The following MRPL42 variants were observed in gnomAD, a reference collection of about 807,000 sequenced individuals.
The protein encoded by MRPL42 is large ribosomal subunit protein mL42.
MRPL42 carries 17 observed loss-of-function variants against 17.9 expected under a neutral mutation model. The observed-to-expected ratio is 0.95, with a 90% CI of 0.65 to 1.42. The LOEUF (loss-of-function observed/expected upper bound fraction) is 1.42, where lower values mean the gene tolerates loss of function less well. MRPL42 is among the 40% of genes most tolerant of loss of function. The pLI is 0.00. For synonymous variants in MRPL42, 59 were observed against 54.4 expected (o/e 1.08, Z -0.37); for missense variants, 177 against 175.2 (o/e 1.01, Z -0.06).
intron 5 of MRPL42, among the ~76,000 whole-genome samples, chr12:93,491,952 T>C (rs1402922884): frequency 6.6e-6 from 1 of 152,248 alleles, no homozygotes; most frequent in African/African-American, 2.4e-5. Flanking sequence ...ATGATTTTGT[T>C]CTTTTTTTAT....
intron 5 of MRPL42, among the ~76,000 whole-genome samples, chr12:93,497,925 G>A (rs1383516898): frequency 2.8e-5 from 4 of 144,854 alleles, no homozygotes; most frequent in Admixed American, 1.4e-4. Flanking sequence ...ATGCCCTACT[G>A]TCTTTTCCTT....
At chr12:93,473,424 G>T (rs926667211) in intron 2 of MRPL42, among the ~76,000 whole-genome samples, 3 of 151,178 alleles carry the variant, frequency 2.0e-5, no homozygotes, top group Admixed American at 6.6e-5. Flanking sequence ...ACCATGTCTG[G>T]TTATTTATTT....
At chr12:93,481,160 C>A (rs1432634367) in intron 4 of MRPL42, among the ~76,000 whole-genome samples, 2 of 152,116 alleles carry the variant, frequency 1.3e-5, no homozygotes, top group South Asian at 4.1e-4. Flanking sequence ...CTGAATCTGA[C>A]CCTCCTCAAC....
At chr12:93,474,144 A>G (rs1880044873) in intron 2 of MRPL42, among the ~76,000 whole-genome samples, 1 of 130,644 alleles carries the variant, frequency 7.7e-6, no homozygotes, top group African/African-American at 3.0e-5. Flanking sequence ...GTTAACTAAA[A>G]TACTGTTGTC....
At chr12:93,499,963 C>G (rs1953560291) in intron 5 of MRPL42, among the ~76,000 whole-genome samples, 1 of 152,026 alleles carries the variant, frequency 6.6e-6, no homozygotes, top group South Asian at 2.1e-4. Context: ...CAAAATCTGA[C>G]CTGAAGGAAA....
In MRPL42 at chr12:93,514,773, C is replaced by G. The variant is rs992194618; in HGVS notation, c.*13552C>G. The G allele has an allele frequency of 1.3e-5, 2 of 152,030 alleles. No individual in the cohort carries two copies. Among genetic ancestry groups the G allele is most frequent in the African/African-American group, 4.8e-5 (2 of 41,386 alleles). The allele number at this position is 152,030 out of a possible 1,614,324, so 9.4% of individuals were successfully genotyped here. ...TTATCCATATGACATGTTTCCAGAACTCTCCCTTATCCTGATTGTCCTCCT... is the reference window on the plus strand; with the variant it reads ...TTATCCATATGACATGTTTCCAGAAGTCTCCCTTATCCTGATTGTCCTCCT... On this transcript the variant is annotated 3_prime_UTR_variant, in exon 6 of 6. Coordinates refer to ENST00000549982, the MANE Select transcript of MRPL42 (RefSeq NM_014050.4).
intron 5 of MRPL42, 40 bp downstream of exon 5, chr12:93,487,700 A>G: frequency 6.7e-7 from 1 of 1,490,548 alleles, no homozygotes; most frequent in Non-Finnish European, 9.1e-7. Context: ...TACTACATAC[A>G]GTAAAGGAAC....
intron 1 of MRPL42, among the ~76,000 whole-genome samples, chr12:93,467,793 G>C (rs578060993): frequency 1.3e-5 from 2 of 152,318 alleles, no homozygotes; most frequent in South Asian, 4.1e-4. Flanking sequence ...GTGGCTCTAG[G>C]GACTCCTTTA....
intron 4 of MRPL42, among the ~76,000 whole-genome samples, chr12:93,483,164 G>A (rs1880546796): frequency 6.6e-6 from 1 of 152,144 alleles, no homozygotes; most frequent in Non-Finnish European, 1.5e-5. Context: ...CAAAGTGCTG[G>A]GATTACCAGG....
At chr12:93,475,055 C>T (rs1214238668) in intron 2 of MRPL42, among the ~76,000 whole-genome samples, 1 of 151,932 alleles carries the variant, frequency 6.6e-6, no homozygotes, top group African/African-American at 2.4e-5. Flanking sequence ...ATAGACAACT[C>T]TTTCTTCTGT....
chr12:93,503,268 G>C lies in MRPL42; in HGVS notation c.*2047G>C, dbSNP rs996697646. 2 of 152,132 alleles carry C rather than the reference G, an allele frequency of 1.3e-5. No homozygotes were observed. The highest frequency in any genetic ancestry group is 2.1e-4 in the South Asian group (1 of 4,814). The allele number at this position is 152,132 out of a possible 1,614,324, so 9.4% of individuals were successfully genotyped here. A position where few individuals can be genotyped will look rare whatever the true frequency, so the allele number is the denominator to read the frequency against. ...TCTCGCCCAAAAGTGACTTTTAAAAGCACTTAATTAGCAGAGAATTTGGAT... is the reference window on the plus strand; with the variant it reads ...TCTCGCCCAAAAGTGACTTTTAAAACCACTTAATTAGCAGAGAATTTGGAT... On this transcript the variant is annotated 3_prime_UTR_variant, in exon 6 of 6. Coordinates refer to ENST00000549982, the MANE Select transcript of MRPL42 (RefSeq NM_014050.4).
rs1953742848 is a variant in MRPL42 at position 93,513,297 on chromosome 12, G to A, written c.*12076G>A. 1 of 145,252 alleles carries A rather than the reference G, an allele frequency of 6.9e-6. No homozygotes were observed. Among genetic ancestry groups the A allele is most frequent in the Admixed American group, 7.4e-5 (1 of 13,586 alleles). The allele number at this position is 145,252 out of a possible 1,614,324, so 9.0% of individuals were successfully genotyped here. A position where few individuals can be genotyped will look rare whatever the true frequency, so the allele number is the denominator to read the frequency against. ...TGTAACCTTGAACTTCTGGGCTCAAGCAATCCTCTCACCTCAGCCTGCAGC... is the reference window on the plus strand; with the variant it reads ...TGTAACCTTGAACTTCTGGGCTCAAACAATCCTCTCACCTCAGCCTGCAGC... On this transcript the variant is annotated 3_prime_UTR_variant, in exon 6 of 6. Transcript: ENST00000549982.
intron 3 of MRPL42, among the ~76,000 whole-genome samples, chr12:93,477,679 C>A (rs1880248394): frequency 6.6e-6 from 1 of 151,960 alleles, no homozygotes; most frequent in South Asian, 2.1e-4. Flanking sequence ...TCACTGCAAC[C>A]TGAGATGGGG....
intron 5 of MRPL42, chr12:93,487,994 A>T: frequency 3.9e-6 from 1 of 254,206 alleles, no homozygotes; most frequent in African/African-American, 2.2e-5. Context: ...TTTGAGACAA[A>T]GAGTCTTGCT....
Position 93,511,655 on chromosome 12 carries a change from T to A in MRPL42, c.*10434T>A, listed in dbSNP as rs895348854. ...ATATAGATATTACTAATATGGCAAT[T>A]AGTTTATATGCTATTTGAATATGAT... On this transcript the variant is annotated 3_prime_UTR_variant, in exon 6 of 6. Transcript: ENST00000549982. The A allele has an allele frequency of 8.5e-5, 13 of 152,226 alleles. No individual in the cohort carries two copies. Among genetic ancestry groups the A allele is most frequent in the Non-Finnish European group, 1.6e-4 (11 of 68,028 alleles). The allele number at this position is 152,226 out of a possible 1,614,324, so 9.4% of individuals were successfully genotyped here. A position where few individuals can be genotyped will look rare whatever the true frequency, so the allele number is the denominator to read the frequency against.
At chr12:93,478,160 T>TAAGACA (rs1439527955) in intron 3 of MRPL42, among the ~76,000 whole-genome samples, 1 of 152,124 alleles carries the variant, frequency 6.6e-6, no homozygotes, top group East Asian at 1.9e-4. Flanking sequence ...TTCACCATGT[T>TAAGACA]GCCCAGGCTG....
intron 2 of MRPL42, chr12:93,470,518 GA>G (rs1298551354): frequency 1.5e-6 from 2 of 1,292,394 alleles, no homozygotes; most frequent in Non-Finnish European, 2.0e-6. Context: ...TTGTTACGTG[GA>G]TGTATTACAT....
At chr12:93,475,698 T>A (rs563315053) in intron 2 of MRPL42, among the ~76,000 whole-genome samples, 6 of 152,172 alleles carry the variant, frequency 3.9e-5, no homozygotes, top group African/African-American at 1.4e-4. Context: ...AAAAAAGCAG[T>A]TTATAGCTGA....
chr12:93,496,173 C>G (rs532369220), intron 5 of MRPL42, among the ~76,000 whole-genome samples: 3 of 152,262 alleles, frequency 2.0e-5, no homozygotes, highest in Admixed American at 2.0e-4. Flanking sequence ...ATTCTCCTGC[C>G]TCAGCCTCCC....
Sources: allele counts gnomAD v4.1 joint callset (sites outside exome capture counted in the v4.1 genomes callset), GRCh38; gene constraint gnomAD v4.1.1; transcripts MANE v1.5; gene names NCBI Gene and HGNC (gene_info 2026-07-23, HGNC 2026-07-21).